Variants in SHQ1 observed in about 807,000 individuals in gnomAD.
SHQ1 encodes SHQ1, H/ACA ribonucleoprotein assembly factor.
Under a neutral mutation model 53.8 loss-of-function variants are expected in SHQ1, and 49 were observed. The ratio of observed to expected loss-of-function variants is 0.91; its 90% CI spans 0.72 to 1.16. The LOEUF (loss-of-function observed/expected upper bound fraction) is 1.16. Among genes scored for constraint, SHQ1 ranks in the 50% most tolerant of loss-of-function variants. The probability of loss-of-function intolerance (pLI) is 0.00; values close to 1 mark genes in which losing one functional copy is unlikely to be tolerated. For synonymous variants in SHQ1, 243 were observed against 251.0 expected (o/e 0.97, Z 0.30); for missense variants, 738 against 683.1 (o/e 1.08, Z -0.90).
At chr3:72,732,384 G>GCCTTCCCTCCTTCCTTCCTT in the SHQ1 span, among the ~76,000 whole-genome samples, 1 of 86,978 alleles carries the variant, frequency 1.1e-5, no homozygotes, top group African/African-American at 5.0e-5. Context: ...CTGCCTGCCT[G>GCCTTCCCTCCTTCCTTCCTT]CCTGCCTTCC....
chr3:72,777,852 A>G (rs1002208396), intron 10 of SHQ1, among the ~76,000 whole-genome samples: 7 of 152,218 alleles, frequency 4.6e-5, no homozygotes, highest in African/African-American at 1.7e-4. Context: ...TATTCAGACA[A>G]TGGGATAGTA....
chr3:72,768,230 G>A (rs1476044163), intron 10 of SHQ1, among the ~76,000 whole-genome samples: 1 of 152,230 alleles, frequency 6.6e-6, no homozygotes, highest in Non-Finnish European at 1.5e-5. Flanking sequence ...CGCTGACCCT[G>A]CTGCAGGCAG....
chr3:72,751,535 T>TATATAC (rs1444853961), intron 10 of SHQ1, among the ~76,000 whole-genome samples: 46 of 139,954 alleles, frequency 3.3e-4, no homozygotes, highest in African/African-American at 1.3e-3. Flanking sequence ...TATATACATA[T>TATATAC]ACATACACTA....
chr3:72,741,388 C>G, the SHQ1 span, among the ~76,000 whole-genome samples: 1 of 152,130 alleles, frequency 6.6e-6, no homozygotes, highest in African/African-American at 2.4e-5. Context: ...GAGTTCGAGA[C>G]TAGCCTGGCC....
intron 9 of SHQ1, among the ~76,000 whole-genome samples, chr3:72,802,507 T>A (rs1342199115): frequency 6.6e-6 from 1 of 152,180 alleles, no homozygotes; most frequent in African/African-American, 2.4e-5. Flanking sequence ...CCCAGCACAC[T>A]GTTTCTACCT....
At chr3:72,748,002 C>G (rs926803044), downstream of SHQ1, among the ~76,000 whole-genome samples, 3 of 150,370 alleles carry the variant, frequency 2.0e-5, no homozygotes, top group African/African-American at 7.3e-5. Flanking sequence ...AAAAAAAAAA[C>G]ACACACTCAC....
In SHQ1 at chr3:72,819,478, C is replaced by T. The variant is rs1039907497; in HGVS notation, c.728-2094G>A. Reference sequence around the variant, plus strand: ...TTAAGACAAGATTCTGGATTTATAGCTTTAGTTAAGGTTTCCCCAATCCTT... The same window carrying T: ...TTAAGACAAGATTCTGGATTTATAGTTTTAGTTAAGGTTTCCCCAATCCTT... On this transcript the variant is annotated intron_variant, in intron 6 of 10. Coordinates refer to ENST00000325599, the MANE Select transcript of SHQ1 (RefSeq NM_018130.3). Among the ~76,000 whole-genome samples the T allele has an allele frequency of 2.0e-5, 3 of 151,770 alleles. No individual in the cohort carries two copies. The East Asian group carries it at 5.8e-4, about 29-fold the overall frequency.
At chr3:72,741,777 TCAAC>T in the SHQ1 span, among the ~76,000 whole-genome samples, 4 of 152,148 alleles carry the variant, frequency 2.6e-5, no homozygotes, top group South Asian at 6.2e-4. Flanking sequence ...ATCCATGACT[TCAAC>T]CAACCACAGA....
intron 3 of SHQ1, 125 bp from the exon 4 acceptor site, chr3:72,841,324 A>C: frequency 1.5e-6 from 1 of 683,742 alleles, no homozygotes; most frequent in Non-Finnish European, 2.3e-6. Flanking sequence ...TACTAAAAGA[A>C]TATTCATAGC....
At chr3:72,732,379 TG>T in the SHQ1 span, among the ~76,000 whole-genome samples, 308 of 133,974 alleles carry the variant, frequency 2.3e-3, 1 homozygote, top group African/African-American at 8.8e-3. Context: ...CCTGCCTGCC[TG>T]CCTGCCTGCC....
the SHQ1 span, among the ~76,000 whole-genome samples, chr3:72,733,630 A>G: frequency 2.0e-5 from 3 of 151,436 alleles, no homozygotes; most frequent in African/African-American, 4.9e-5. Flanking sequence ...AAGGATTATC[A>G]CCCACATTTC....
chr3:72,835,328 T>C (rs1054328441), intron 4 of SHQ1, among the ~76,000 whole-genome samples: 4 of 152,048 alleles, frequency 2.6e-5, no homozygotes, highest in African/African-American at 9.7e-5. Context: ...GAGGCCTCAA[T>C]ACATTCAATA....
chr3:72,822,083 T>C (rs2106889862), intron 6 of SHQ1, among the ~76,000 whole-genome samples: 1 of 152,304 alleles, frequency 6.6e-6, no homozygotes, highest in South Asian at 2.1e-4. Context: ...AGGACAACTC[T>C]GAGGTAGGTA....
intron 10 of SHQ1, among the ~76,000 whole-genome samples, chr3:72,751,535 T>TATAC (rs1444853961): frequency 6.4e-5 from 9 of 139,964 alleles, no homozygotes; most frequent in African/African-American, 2.4e-4. Context: ...TATATACATA[T>TATAC]ACATACACTA....
intron 10 of SHQ1, among the ~76,000 whole-genome samples, chr3:72,765,544 TATATATA>T (rs1705703779): frequency 3.1e-5 from 3 of 96,458 alleles, no homozygotes; most frequent in Admixed American, 1.1e-4. Flanking sequence ...TATATATATA[TATATATA>T]TATATATTTT....
At chr3:72,806,037 T>C (rs1706932823) in intron 9 of SHQ1, among the ~76,000 whole-genome samples, 1 of 152,218 alleles carries the variant, frequency 6.6e-6, no homozygotes, top group Non-Finnish European at 1.5e-5. Flanking sequence ...CTTTAATGTT[T>C]ACGTTTATAT....
At chr3:72,753,646 C>A in intron 10 of SHQ1, 1 of 985,254 alleles carries the variant, frequency 1.0e-6, no homozygotes, top group Non-Finnish European at 1.2e-6. Flanking sequence ...ACTTCCAGAG[C>A]GCTTAGAGAA....
the SHQ1 span, among the ~76,000 whole-genome samples, chr3:72,729,656 T>C: frequency 3.3e-5 from 5 of 152,358 alleles, no homozygotes; most frequent in South Asian, 6.2e-4. Context: ...ACACAATTTA[T>C]GGGTTGGTTC....
At chr3:72,788,558 C>T (rs1345958490) in intron 10 of SHQ1, among the ~76,000 whole-genome samples, 3 of 152,148 alleles carry the variant, frequency 2.0e-5, no homozygotes, top group African/African-American at 4.8e-5. Flanking sequence ...TCTGCCCAGC[C>T]GCCACCCCGT....
Sources: gnomAD v4.1 joint callset for allele counts (sites outside exome capture counted in the v4.1 genomes callset) on GRCh38, gnomAD v4.1.1 for gene constraint, MANE v1.5 for transcripts, NCBI Gene and HGNC (gene_info 2026-07-23, HGNC 2026-07-21) for gene names.